Variants in RYR1 observed in about 807,000 individuals in gnomAD.
The protein encoded by RYR1 is ryanodine receptor 1.
In RYR1, 342 loss-of-function variants were observed where a neutral mutation model predicts 583.5. The ratio of observed to expected loss-of-function variants is 0.59; its 90% confidence interval spans 0.54 to 0.64. The LOEUF (loss-of-function observed/expected upper bound fraction) is 0.64. Among genes scored for constraint, RYR1 ranks in the 30% least tolerant of loss-of-function variants. The probability of loss-of-function intolerance (pLI) is 0.00; values close to 1 mark genes in which losing one functional copy is unlikely to be tolerated. For missense variants in RYR1, 6,032 were observed against 6,917.2 expected (o/e 0.87, Z 4.54); for synonymous variants, 2,791 against 2,822.5 (o/e 0.99, Z 0.35).
intron 63 of RYR1, among the ~76,000 whole-genome samples, chr19:38,513,648 ACTG>A (rs1970823169): frequency 6.6e-6 from 1 of 151,988 alleles, no homozygotes; most frequent in South Asian, 2.1e-4. Flanking sequence ...AGGCACAAGA[ACTG>A]CTTGAATCTG....
chr19:38,440,799 C>T lies in RYR1; in HGVS notation c.100C>T (p.Leu34Phe), dbSNP rs1481959610. ...SATVLKEQLK[L>F]CLAAEGFGNR... Reference sequence around the variant, plus strand: ...TACCGTGCTCAAGGAGCAGCTCAAGCTCTGCCTGGCCGCCGAGGGCTTCGG... The same window carrying T: ...TACCGTGCTCAAGGAGCAGCTCAAGTTCTGCCTGGCCGCCGAGGGCTTCGG... Residue 34 changes from leucine (L) to phenylalanine (F), a missense_variant, in exon 2 of 106, where the codon CTC (leucine) becomes TTC (phenylalanine). This residue lies in a region of RYR1 where 71 missense variants were observed against 75.3 expected (regional missense o/e 0.94). Coordinates refer to ENST00000359596, the MANE Select transcript of RYR1 (RefSeq NM_000540.3). The T allele has an allele frequency of 6.2e-7, 1 of 1,609,210 alleles. No homozygotes were observed. Among genetic ancestry groups the T allele is most frequent in the Non-Finnish European group, 8.5e-7 (1 of 1,178,674 alleles).
At position 38,502,898 on chromosome 19, in the gene RYR1, G is replaced by A. The variant is rs775112172; in HGVS notation, c.7854G>A (p.Met2618Ile). 4.2e-5 allele frequency: 68 copies of A among 1,611,566 alleles called. No homozygotes were observed. The highest frequency in any genetic ancestry group is 5.4e-5 in the Non-Finnish European group (64 of 1,179,990). ...MSLCRYIRPS[M>I]LQHLLRRLVF... Reference sequence around the variant, plus strand: ...CCCGCAGGTACATCCGCCCGTCGATGCTGCAGCACCTGTTGCGCCGCCTGG... The same window carrying A: ...CCCGCAGGTACATCCGCCCGTCGATACTGCAGCACCTGTTGCGCCGCCTGG... The change falls in exon 49 of 106, where the codon ATG becomes ATA. Residue 2618 changes from methionine to isoleucine, a missense_variant. Met to Ile is a conservative substitution (Grantham distance 10). Around this residue, in one of 11 missense-constraint regions of RYR1, gnomAD observed 250 missense variants for 162.3 expected, o/e 1.54. Coordinates refer to ENST00000359596, the MANE Select transcript of RYR1 (RefSeq NM_000540.3).
Position 38,466,200 on chromosome 19 carries a change from G to A in RYR1, c.2980G>A (p.Val994Met), listed in dbSNP as rs1968093065. Residue 994 changes from valine (V) to methionine (M), a missense_variant, in exon 24 of 106, where the codon GTG becomes ATG. Physicochemically the swap from Val to Met is conservative, Grantham distance 21 (BLOSUM62 1). Around this residue, in one of 11 missense-constraint regions of RYR1, gnomAD observed 2,627 missense variants for 2,961.3 expected, o/e 0.89. Coordinates refer to ENST00000359596, the MANE Select transcript of RYR1 (RefSeq NM_000540.3). ...CCGTCTGGCAGAAAATGGGCACAAC[G>A]TGTGGGCCCGAGACCGCGTGGGCCA... ...VDRLAENGHN[V>M]WARDRVGQGW... 5.6e-6 allele frequency: 9 copies of A among 1,613,482 alleles called. No homozygotes were observed. In the South Asian group the frequency reaches 6.6e-5, roughly 12 times the overall value.
In RYR1 at chr19:38,455,224, C is replaced by T. The variant is rs1463942195; in HGVS notation, c.1441-11C>T. 4 of 1,613,850 alleles carry T rather than the reference C, an allele frequency of 2.5e-6. No individual in the cohort carries two copies. The highest frequency in any genetic ancestry group is 3.4e-6 in the Non-Finnish European group (4 of 1,179,916). On this transcript the variant is annotated splice_polypyrimidine_tract_variant and intron_variant, in intron 13 of 105. Transcript: ENST00000359596. Reference sequence around the variant, plus strand: ...CTCCTATTGTGATGCCTCTTATTTTCCTCATCCTAGGGGATGCTCTCCATG... The same window carrying T: ...CTCCTATTGTGATGCCTCTTATTTTTCTCATCCTAGGGGATGCTCTCCATG...
Position 38,463,441 on chromosome 19 carries a change from C to A in RYR1, c.2596C>A (p.Leu866Met), listed in dbSNP as rs752202647. 6.2e-7 allele frequency: 1 copy of A among 1,614,068 alleles called. No individual in the cohort carries two copies. The highest frequency in any genetic ancestry group is 1.1e-5 in the South Asian group (1 of 91,072). ...DTVQIVLPPH[L>M]ERIREKLAEN... is the part of the protein sequence containing the mutation. ...CCTCTAGATTGTCCTGCCGCCCCATCTGGAGCGCATTCGGGAGAAGCTGGC... is the reference window on the plus strand; with the variant it reads ...CCTCTAGATTGTCCTGCCGCCCCATATGGAGCGCATTCGGGAGAAGCTGGC... The change falls in exon 21 of 106, where the codon CTG (leucine) becomes ATG (methionine). Residue 866 changes from leucine to methionine, a missense_variant. By Grantham distance (15) the Leu-to-Met change is conservative. Coordinates refer to ENST00000359596, the MANE Select transcript of RYR1 (RefSeq NM_000540.3).
At chr19:38,504,399 G>A in intron 50 of RYR1, 39 bp downstream of exon 50, 1 of 1,607,158 alleles carries the variant, frequency 6.2e-7, no homozygotes, top group Non-Finnish European at 8.5e-7. Context: ...CCTATGTGGA[G>A]GGTTTGGGGC....
Position 38,586,090 on chromosome 19 carries a change from G to A in RYR1, c.14869-1G>A, listed in dbSNP as rs193922897. ...ACTCTGATGTCTCTTGCCACTCACA[G>A]ACCAAGTGCTTCATCTGTGGAATCG... On this transcript the variant is annotated splice_acceptor_variant, in intron 103 of 105. Transcript: ENST00000359596. LOFTEE classifies it high-confidence loss of function. 1 of 1,614,146 alleles carries A rather than the reference G, an allele frequency of 6.2e-7. No homozygotes were observed. The highest frequency in any genetic ancestry group is 8.5e-7 in the Non-Finnish European group (1 of 1,180,034).
Position 38,455,272 on chromosome 19 carries a change from T to C in RYR1, c.1478T>C (p.Leu493Pro), listed in dbSNP as rs547138277. 1 of 1,614,062 alleles carries C rather than the reference T, an allele frequency of 6.2e-7. No individual in the cohort carries two copies. Among genetic ancestry groups the C allele is most frequent in the South Asian group, 1.1e-5 (1 of 91,072 alleles). The change falls in exon 14 of 106, where the codon CTA (leucine) becomes CCA (proline). Residue 493 changes from leucine to proline, a missense_variant. Leu to Pro is a moderately conservative substitution (Grantham distance 98). Transcript: ENST00000359596. ...LSMVLNCIDR[L>P]NVYTTAAHFA... is the part of the protein sequence containing the mutation. ...ATGGTCCTGAATTGCATAGACCGCC[T>C]AAATGTCTACACCACTGCTGCCCAC...
In RYR1 at chr19:38,500,750, G is replaced by A. The variant is rs189603269; in HGVS notation, c.7444+24G>A. 183 of 1,614,128 alleles carry A rather than the reference G, an allele frequency of 1.1e-4. 2 individuals carry two copies. The East Asian group carries it at 1.9e-3, about 17-fold the overall frequency. On this transcript the variant is annotated intron_variant, in intron 46 of 105. Transcript: ENST00000359596. The surrounding 1 kb of genome is among the most constrained non-coding windows in gnomAD (Gnocchi z 5.9). ...AGGTGCAGAGGGGATGGAACTTGGCGAAGGAGTGATGCTGGGGAGGGAGCG... is the reference window on the plus strand; with the variant it reads ...AGGTGCAGAGGGGATGGAACTTGGCAAAGGAGTGATGCTGGGGAGGGAGCG...
intron 11 of RYR1, among the ~76,000 whole-genome samples, chr19:38,451,056 A>G (rs960149470): frequency 1.3e-5 from 2 of 152,244 alleles, no homozygotes; most frequent in Admixed American, 1.3e-4. Flanking sequence ...GTGTTGGCTC[A>G]GAAGGACAGG....
Position 38,586,143 on chromosome 19 carries a change from A to G in RYR1, c.14921A>G (p.His4974Arg), listed in dbSNP as rs746344781. 9.3e-6 allele frequency: 15 copies of G among 1,614,112 alleles called. No individual in the cohort carries two copies. Among genetic ancestry groups the G allele is most frequent in the South Asian group, 7.7e-5 (7 of 91,084 alleles). Residue 4974 changes from histidine to arginine, a missense_variant, in exon 104 of 106, where the codon CAT becomes CGT. Physicochemically the swap from His to Arg is conservative, Grantham distance 29. This residue lies in a region of RYR1 where 189 missense variants were observed against 350.3 expected (regional missense o/e 0.54). Coordinates refer to ENST00000359596, the MANE Select transcript of RYR1 (RefSeq NM_000540.3). ...IGSDYFDTTPHGFETHTLEEH... is the reference protein window; with the variant it reads ...IGSDYFDTTPRGFETHTLEEH... ...AGTGACTACTTTGATACGACACCGCATGGCTTCGAGACTCACACGCTGGAG... is the reference window on the plus strand; with the variant it reads ...AGTGACTACTTTGATACGACACCGCGTGGCTTCGAGACTCACACGCTGGAG...
intron 35 of RYR1, 53 bp downstream of exon 35, chr19:38,489,496 CAGGGT>C: frequency 6.2e-7 from 1 of 1,605,888 alleles, no homozygotes; most frequent in Non-Finnish European, 8.5e-7. Context: ...CTGGGAGACA[CAGGGT>C]AGGTGGGATG....
At position 38,493,606 on chromosome 19, in the gene RYR1, G is replaced by A. The variant is rs1450267677; in HGVS notation, c.6275-746G>A. Among the ~76,000 whole-genome samples, 3 of 146,258 alleles carry A rather than the reference G, an allele frequency of 2.1e-5. 1 individual carries two copies. Among genetic ancestry groups the A allele is most frequent in the Admixed American group, 1.4e-4 (2 of 14,362 alleles). Reference sequence around the variant, plus strand: ...GCGATCTTGGCTCACTGCAACCTCCGCCTCCTGGGTTCAAGCGATTCTCCT... The same window carrying A: ...GCGATCTTGGCTCACTGCAACCTCCACCTCCTGGGTTCAAGCGATTCTCCT... On this transcript the variant is annotated intron_variant, in intron 38 of 105. Transcript: ENST00000359596.
chr19:38,438,077 C>T (rs1186966594), intron 1 of RYR1, among the ~76,000 whole-genome samples: 1 of 151,830 alleles, frequency 6.6e-6, no homozygotes, highest in African/African-American at 2.4e-5. Flanking sequence ...CTCCTTGCGG[C>T]CACCATCCTG....
chr19:38,536,838 CCT>C (rs1282477335), intron 83 of RYR1, 71 bp downstream of exon 83: 1 of 1,512,106 alleles, frequency 6.6e-7, no homozygotes, highest in African/African-American at 1.4e-5. Flanking sequence ...CACCCCTCCA[CCT>C]AGGGGCTGAG....
Position 38,500,924 on chromosome 19 carries a change from C to G in RYR1, c.7548C>G (p.Asp2516Glu). Residue 2516 changes from aspartate (D) to glutamate (E), a missense_variant, in exon 47 of 106, where the codon GAC (aspartate) becomes GAG (glutamate). Coordinates refer to ENST00000359596, the MANE Select transcript of RYR1 (RefSeq NM_000540.3). The surrounding 1 kb of genome is among the most constrained non-coding windows in gnomAD (Gnocchi z 5.9). The part of the protein sequence containing the change: ...LDRVYGIENQ[D>E]FLLHVLDVGF... ...GTGTGTATGGCATCGAGAACCAGGA[C>G]TTCTTGCTGCACGTGCTGGACGTGG... 1 of 1,614,100 alleles carries G rather than the reference C, an allele frequency of 6.2e-7. No individual in the cohort carries two copies. Among genetic ancestry groups the G allele is most frequent in the Non-Finnish European group, 8.5e-7 (1 of 1,180,012 alleles).
chr19:38,553,291 C>T (rs1046788494), intron 89 of RYR1, among the ~76,000 whole-genome samples: 48 of 148,898 alleles, frequency 3.2e-4, no homozygotes, highest in African/African-American at 9.9e-4. Context: ...GCTGAGATCA[C>T]GCCACTGCAC....
intron 1 of RYR1, among the ~76,000 whole-genome samples, chr19:38,440,028 C>G (rs1369025632): frequency 2.0e-5 from 3 of 152,226 alleles, no homozygotes; most frequent in Non-Finnish European, 2.9e-5. Flanking sequence ...CTTGGGAGGC[C>G]TCTGGAGCCA....
At chr19:38,478,219 C>G (rs1436444052) in intron 30 of RYR1, among the ~76,000 whole-genome samples, 1 of 152,074 alleles carries the variant, frequency 6.6e-6, no homozygotes, top group African/African-American at 2.4e-5. Context: ...AGACCCCCAC[C>G]CCCATCCTGA....
Sources: gnomAD v4.1 joint callset for allele counts (sites outside exome capture counted in the v4.1 genomes callset) on GRCh38, gnomAD v4.1.1 for gene constraint, gnomAD v4.1.1 regional missense constraint, Gnocchi (gnomAD v3.1) non-coding constraint, MANE v1.5 for transcripts, NCBI Gene and HGNC (gene_info 2026-07-23, HGNC 2026-07-21) for gene names.